Variants in PRDX3 observed in about 807,000 individuals in gnomAD.
The protein encoded by PRDX3 is peroxiredoxin 3, also known as thioredoxin-dependent peroxide reductase, mitochondrial.
PRDX3 carries 20 observed loss-of-function variants against 30.4 expected under a neutral mutation model. The observed-to-expected ratio is 0.66, with a 90% CI of 0.46 to 0.96. The LOEUF (loss-of-function observed/expected upper bound fraction) is 0.96. Among genes scored for constraint, PRDX3 ranks in the 40% least tolerant of loss-of-function variants. The probability of loss-of-function intolerance (pLI) is 0.00; values close to 1 mark genes in which losing one functional copy is unlikely to be tolerated. For synonymous variants in PRDX3, 124 were observed against 117.8 expected (o/e 1.05, Z -0.34); for missense variants, 322 against 318.3 (o/e 1.01, Z -0.09).
intron 3 of PRDX3, 49 bp downstream of exon 3, chr10:119,174,402 T>C: frequency 6.4e-7 from 1 of 1,554,098 alleles, no homozygotes; most frequent in South Asian, 1.2e-5. Context: ...GAACAGGATA[T>C]GTGCTTGCTC....
chr10:119,173,987 C>T, intron 3 of PRDX3, 115 bp from the exon 4 acceptor site: 2 of 998,666 alleles, frequency 2.0e-6, no homozygotes, highest in African/African-American at 1.6e-5. Context: ...AATGGTTTAC[C>T]ATCCTCACTG....
intron 1 of PRDX3, among the ~76,000 whole-genome samples, chr10:119,178,033 A>AT (rs902039137): frequency 0.011 from 1,580 of 144,606 alleles, 17 homozygotes; most frequent in African/African-American, 0.022. Flanking sequence ...ATGCCCGGCT[A>AT]TTTTTTTTTT....
chr10:119,168,924 G>A (rs1445978212), intron 6 of PRDX3, among the ~76,000 whole-genome samples: 1 of 144,092 alleles, frequency 6.9e-6, no homozygotes, highest in Non-Finnish European at 1.5e-5. Flanking sequence ...AGTGAGCTGA[G>A]AGAGCGCCAC....
chr10:119,172,131 T>C (rs538035187), intron 5 of PRDX3, among the ~76,000 whole-genome samples: 1 of 152,340 alleles, frequency 6.6e-6, no homozygotes, highest in Admixed American at 6.5e-5. Context: ...TTATTATAAA[T>C]TTTAATTCTT....
chr10:119,168,318 T>A lies in PRDX3; in HGVS notation c.*162A>T. The A allele has an allele frequency of 7.1e-7, 1 of 1,410,608 alleles. No individual in the cohort carries two copies. The highest frequency in any genetic ancestry group is 9.4e-7 in the Non-Finnish European group (1 of 1,067,058). The allele number at this position is 1,410,608 out of a possible 1,614,324, so 87.4% of individuals were successfully genotyped here. On this transcript the variant is annotated 3_prime_UTR_variant, in exon 7 of 7. Coordinates refer to ENST00000298510, the MANE Select transcript of PRDX3 (RefSeq NM_006793.5). ...CTAGCAACTAACCATGTTTAAAAGGTCTTAGCCAGAATTACAAAAACAAAA... is the reference window on the plus strand; with the variant it reads ...CTAGCAACTAACCATGTTTAAAAGGACTTAGCCAGAATTACAAAAACAAAA...
At chr10:119,178,718 G>A (rs1352625211) in intron 1 of PRDX3, 37 bp downstream of exon 1, 4 of 1,550,594 alleles carry the variant, frequency 2.6e-6, no homozygotes, top group East Asian at 2.4e-5. Flanking sequence ...GGAGCCACCA[G>A]TGTCTCCACG....
intron 2 of PRDX3, among the ~76,000 whole-genome samples, chr10:119,175,278 T>C (rs534282568): frequency 5.9e-5 from 9 of 152,248 alleles, no homozygotes; most frequent in African/African-American, 1.9e-4. Context: ...CGTGTGGCAG[T>C]CTAATGAGAA....
At position 119,168,409 on chromosome 10, in the gene PRDX3, G is replaced by A; in HGVS notation, c.*71C>T. 6.2e-7 allele frequency: 1 copy of A among 1,604,014 alleles called. No homozygotes were observed. Among genetic ancestry groups the A allele is most frequent in the East Asian group, 2.2e-5 (1 of 44,716 alleles). On this transcript the variant is annotated 3_prime_UTR_variant, in exon 7 of 7. Transcript: ENST00000298510. ...CTTGCCTTCTACAAATAACCATCTT[G>A]AAAATGATAAAAGCAGGTTTCAACT...
rs201912870 is a variant in PRDX3, at chr10:119,177,047, G to C, written c.143C>G (p.Ser48Cys). ...GGTGCTGAATAATTTTGCTTGACTGGAACCAGAACACAATAAATTTGTCAA... is the reference window on the plus strand; with the variant it reads ...GGTGCTGAATAATTTTGCTTGACTGCAACCAGAACACAATAAATTTGTCAA... ...TSLTNLLCSG[S>C]SQAKLFSTSS... Residue 48 changes from serine (S) to cysteine (C), a missense_variant, in exon 2 of 7, where the codon TCC becomes TGC. Transcript: ENST00000298510. The C allele has an allele frequency of 1.5e-5, 24 of 1,613,976 alleles. No individual in the cohort carries two copies. The highest frequency in any genetic ancestry group is 2.7e-5 in the African/African-American group (2 of 74,936).
intron 1 of PRDX3, among the ~76,000 whole-genome samples, chr10:119,177,787 A>C (rs909101667): frequency 1.3e-5 from 2 of 151,902 alleles, no homozygotes; most frequent in Non-Finnish European, 2.9e-5. Flanking sequence ...CCTTAGAAAA[A>C]CAAGGCCCCT....
rs557029533 is a variant in PRDX3 at position 119,178,625 on chromosome 10, C to T, written c.36+130G>A. ...CCTTCCCGGAGGGAGGCCTCTGGGT[C>T]CGTTACCCGCGGAAACCCTCCAAGA... On this transcript the variant is annotated intron_variant, in intron 1 of 6. Transcript: ENST00000298510. 1,277 of 1,169,938 alleles carry T rather than the reference C, an allele frequency of 1.1e-3. 2 individuals carry two copies. The highest frequency in any genetic ancestry group is 1.5e-3 in the Non-Finnish European group (1,191 of 801,062). 72.5% of individuals were successfully genotyped at this position (1,169,938 alleles called of 1,614,324 possible).
chr10:119,171,167 A>G (rs1048815461), intron 5 of PRDX3, among the ~76,000 whole-genome samples: 7 of 151,934 alleles, frequency 4.6e-5, no homozygotes, highest in African/African-American at 1.2e-4. Flanking sequence ...CAGCCTCCCG[A>G]GTAGCTGGGA....
intron 5 of PRDX3, among the ~76,000 whole-genome samples, chr10:119,171,891 C>G (rs1225237989): frequency 1.3e-5 from 2 of 152,188 alleles, no homozygotes; most frequent in African/African-American, 4.8e-5. Flanking sequence ...TGCTAGTCCC[C>G]CCTTCTGCAG....
At chr10:119,173,965 T>TA in intron 3 of PRDX3, 93 bp from the exon 4 acceptor site, 3 of 1,338,272 alleles carry the variant, frequency 2.2e-6, no homozygotes, top group Non-Finnish European at 3.1e-6. Flanking sequence ...TTGCTAAGGG[T>TA]AAAAAAGGCA....
intron 1 of PRDX3, among the ~76,000 whole-genome samples, chr10:119,177,881 CTTTTT>C (rs141498625): frequency 2.2e-4 from 29 of 134,730 alleles, no homozygotes; most frequent in South Asian, 1.9e-3. Flanking sequence ...GTTTACTCAA[CTTTTT>C]TTTTTTTTTT....
intron 2 of PRDX3, among the ~76,000 whole-genome samples, chr10:119,176,191 A>G (rs1848022051): frequency 6.6e-6 from 1 of 152,204 alleles, no homozygotes; most frequent in South Asian, 2.1e-4. Context: ...GCTTCTACCC[A>G]GGAATGAGCG....
Position 119,177,111 on chromosome 10 carries a change from T to C in PRDX3, c.79A>G (p.Thr27Ala). 1.2e-6 allele frequency: 2 copies of C among 1,613,660 alleles called. No individual in the cohort carries two copies. The highest frequency in any genetic ancestry group is 1.7e-6 in the Non-Finnish European group (2 of 1,179,806). ...CATGCAGCAGGCCTGAGGGCTGCAG[T>C]GGCAGAAATGCCCCAAGGAATGGCA... ...VSAIPWGISATAALRPAACGR... is the reference protein window; with the variant it reads ...VSAIPWGISAAAALRPAACGR... Residue 27 changes from threonine to alanine, a missense_variant, in exon 2 of 7, where the codon ACT becomes GCT. Coordinates refer to ENST00000298510, the MANE Select transcript of PRDX3 (RefSeq NM_006793.5).
chr10:119,177,505 A>T (rs1848065201), intron 1 of PRDX3, among the ~76,000 whole-genome samples: 1 of 151,672 alleles, frequency 6.6e-6, no homozygotes, highest in African/African-American at 2.4e-5. Flanking sequence ...TAAAAACACA[A>T]AACTTAGCCA....
Position 119,174,510 on chromosome 10 carries a change from G to C in PRDX3, c.252C>G (p.Asp84Glu), listed in dbSNP as rs1422008048. Residue 84 changes from aspartate (D) to glutamate (E), a missense_variant, in exon 3 of 7, where the codon GAC (aspartate) becomes GAG (glutamate). Asp to Glu is a conservative substitution (Grantham distance 45). Coordinates refer to ENST00000298510, the MANE Select transcript of PRDX3 (RefSeq NM_006793.5). The stretch of plus-strand genomic sequence containing the variant: ...TCCCCTTAAAGTCATCAAGGCTTAG[G>C]TCTTTGAACTCTCCATTGACAACGG... ...GTAVVNGEFK[D>E]LSLDDFKGKY... 6.2e-7 allele frequency: 1 copy of C among 1,612,958 alleles called. No homozygotes were observed. The highest frequency in any genetic ancestry group is 1.1e-5 in the South Asian group (1 of 90,902).
Sources: gnomAD v4.1 joint callset for allele counts (sites outside exome capture counted in the v4.1 genomes callset) on GRCh38, gnomAD v4.1.1 for gene constraint, MANE v1.5 for transcripts, NCBI Gene and HGNC (gene_info 2026-07-23, HGNC 2026-07-21) for gene names.